The following INSC variants were observed in gnomAD, a reference collection of about 807,000 sequenced individuals.
The protein encoded by INSC is protein inscuteable homolog.
In INSC, 67 loss-of-function variants were observed where a neutral mutation model predicts 58.6. The observed-to-expected ratio is 1.14, with a 90% CI of 0.94 to 1.40. The LOEUF (loss-of-function observed/expected upper bound fraction) is 1.40. Ranked by LOEUF, INSC falls within the 40% of genes most tolerant of loss-of-function variation. The pLI is 0.00. For missense variants in INSC, 714 were observed against 692.0 expected (o/e 1.03, Z -0.36); for synonymous variants, 262 against 276.1 (o/e 0.95, Z 0.51).
chr11:15,265,098 T>C, the INSC span, among the ~76,000 whole-genome samples: 1 of 152,120 alleles, frequency 6.6e-6, no homozygotes, highest in Admixed American at 6.6e-5. Context: ...TTGTGCATTG[T>C]ATAGATCAGT....
intron 4 of INSC, among the ~76,000 whole-genome samples, 188 bp downstream of exon 4, chr11:15,177,351 C>G (rs1325176177): frequency 6.6e-6 from 1 of 152,054 alleles, no homozygotes; most frequent in Non-Finnish European, 1.5e-5. Context: ...TGTTCAGGCC[C>G]TAGGGATAGG....
At chr11:15,128,657 A>G (rs1291070085) in intron 1 of INSC, among the ~76,000 whole-genome samples, 1 of 152,200 alleles carries the variant, frequency 6.6e-6, no homozygotes, top group Non-Finnish European at 1.5e-5. Flanking sequence ...ACCAGGTGAC[A>G]GAATTATCAG....
At chr11:15,269,652 G>A in the INSC span, among the ~76,000 whole-genome samples, 1 of 151,898 alleles carries the variant, frequency 6.6e-6, no homozygotes, top group Admixed American at 6.6e-5. Context: ...CTTTTGAATA[G>A]CATCCTACAT....
At chr11:15,228,445 C>T (rs1235227176) in intron 9 of INSC, among the ~76,000 whole-genome samples, 3 of 152,158 alleles carry the variant, frequency 2.0e-5, no homozygotes, top group Non-Finnish European at 4.4e-5. Context: ...GAGCCAGGCA[C>T]GTCACCCACT....
intron 8 of INSC, among the ~76,000 whole-genome samples, chr11:15,223,925 T>C (rs1463786253): frequency 6.6e-6 from 1 of 152,190 alleles, no homozygotes; most frequent in Non-Finnish European, 1.5e-5. Flanking sequence ...ACCCTCCTGA[T>C]AGAACCAAAA....
At position 15,229,991 on chromosome 11, in the gene INSC, A is replaced by T. The variant is rs1450649166; in HGVS notation, c.1170+4163A>T. 7.0e-5 allele frequency among the ~76,000 whole-genome samples: 2 copies of T among 28,506 alleles called. 1 individual carries two copies. Among genetic ancestry groups the T allele is most frequent in the East Asian group, 4.6e-3 (2 of 434 alleles). The allele number at this position is 28,506 out of a possible 152,430, so 18.7% of individuals were successfully genotyped here. A position where few individuals can be genotyped will look rare whatever the true frequency, so the allele number is the denominator to read the frequency against. ...ATATATATATATATTATATATATAT[A>T]TATATATATATATATATATATAATA... On this transcript the variant is annotated intron_variant, in intron 9 of 12. Transcript: ENST00000379556.
At chr11:15,150,763 T>G (rs1345987290) in intron 2 of INSC, among the ~76,000 whole-genome samples, 1 of 152,152 alleles carries the variant, frequency 6.6e-6, no homozygotes, top group Non-Finnish European at 1.5e-5. Flanking sequence ...CTGAGTCTCC[T>G]GGGATGCTTT....
intron 11 of INSC, among the ~76,000 whole-genome samples, chr11:15,240,001 A>C (rs539906258): frequency 3.0e-4 from 45 of 152,266 alleles, no homozygotes; most frequent in African/African-American, 1.0e-3. Flanking sequence ...TTCTACTACT[A>C]TCGTATAATG....
At chr11:15,269,605 G>A in the INSC span, among the ~76,000 whole-genome samples, 1 of 151,898 alleles carries the variant, frequency 6.6e-6, no homozygotes, top group Non-Finnish European at 1.5e-5. Flanking sequence ...AGGAACATGT[G>A]TAAAGAAGAT....
chr11:15,221,537 CGGGCTG>C lies in INSC; in HGVS notation c.881_886del (p.Arg294_Glu296delinsGln), dbSNP rs1564911587. 17 of 1,613,894 alleles carry C rather than the reference CGGGCTG, an allele frequency of 1.1e-5. No individual in the cohort carries two copies. The highest frequency in any genetic ancestry group is 1.4e-5 in the Non-Finnish European group (17 of 1,179,976). On this transcript the variant is annotated inframe_deletion, in exon 8 of 13. Coordinates refer to ENST00000379556, the MANE Select transcript of INSC (RefSeq NM_001042536.3). ...CGACAACAGCCACTCAGAGGCCACA[CGGGCTG>C]AGGCTGCGGCTGTGGTGGCCCAGGT...
chr11:15,190,766 G>C lies in INSC; in HGVS notation c.645G>C (p.Leu215=). ...IYTTESTTGN[L]FSLTQEGAPL... ...CCACAGAGTCCACCACAGGGAACCTGTTCAGCCTGACCCAGGAGGGGGCTC... is the reference window on the plus strand; with the variant it reads ...CCACAGAGTCCACCACAGGGAACCTCTTCAGCCTGACCCAGGAGGGGGCTC... The change falls in exon 6 of 13, where the codon CTG becomes CTC. Residue 215 remains leucine, a synonymous_variant. Transcript: ENST00000379556. 1 of 1,613,970 alleles carries C rather than the reference G, an allele frequency of 6.2e-7. No homozygotes were observed. The highest frequency in any genetic ancestry group is 8.5e-7 in the Non-Finnish European group (1 of 1,179,842).
At chr11:15,177,006 A>G (rs1849594241) in intron 3 of INSC, 105 bp from the exon 4 acceptor site, 2 of 902,732 alleles carry the variant, frequency 2.2e-6, no homozygotes, top group Admixed American at 1.7e-5. Flanking sequence ...TCCCCAAGTC[A>G]CATTAATTGA....
intron 2 of INSC, among the ~76,000 whole-genome samples, chr11:15,172,765 T>A (rs1849443026): frequency 6.6e-6 from 1 of 151,746 alleles, no homozygotes; most frequent in African/African-American, 2.4e-5. Context: ...TTATCTGAGG[T>A]GTAGAGTGTG....
chr11:15,116,805 T>TTTCCTTTCTTTCTTTCTTTC, intron 1 of INSC, among the ~76,000 whole-genome samples: 1 of 19,980 alleles, frequency 5.0e-5, no homozygotes, highest in South Asian at 2.8e-3. Flanking sequence ...CTTTTCTTTC[T>TTTCCTTTCTTTCTTTCTTTC]TTTCTTTCTT....
At chr11:15,112,971 G>C (rs1847602714), upstream of INSC, among the ~76,000 whole-genome samples, 1 of 152,034 alleles carries the variant, frequency 6.6e-6, no homozygotes. Context: ...TTTGTCCAAG[G>C]ACTCATCACT....
chr11:15,235,598 C>T lies in INSC; in HGVS notation c.1171-4C>T. 6.2e-7 allele frequency: 1 copy of T among 1,612,928 alleles called. No individual in the cohort carries two copies. The highest frequency in any genetic ancestry group is 2.2e-5 in the East Asian group (1 of 44,880). Reference sequence around the variant, plus strand: ...TTCTGAGGTTTCTAAATTATCTTTTCCAGATTGTGACCATCTTGGCAAACA... The same window carrying T: ...TTCTGAGGTTTCTAAATTATCTTTTTCAGATTGTGACCATCTTGGCAAACA... On this transcript the variant is annotated splice_region_variant and splice_polypyrimidine_tract_variant and intron_variant, in intron 9 of 12. Transcript: ENST00000379556.
chr11:15,112,426 C>T (rs1336921462), upstream of INSC: 1 of 1,499,990 alleles, frequency 6.7e-7, no homozygotes, highest in Non-Finnish European at 9.1e-7. Context: ...TTCACAGGGG[C>T]CTCTGTAAGG....
rs745313940 is a variant in INSC, at chr11:15,178,324, G to T, written c.456G>T (p.Arg152Ser). ...CCACCCCATGGTTTCTTCTCTTCAG[G>T]TGCCTTCAGGTTGAGAATGAGCATG... Reference protein sequence around the residue: ...KCSELSAVTERCLQVENEHVL... With the variant: ...KCSELSAVTESCLQVENEHVL... Residue 152 changes from arginine (R) to serine (S), a missense_variant and splice_region_variant, in exon 5 of 13, where the codon AGG (arginine) becomes AGT (serine). Transcript: ENST00000379556. The T allele has an allele frequency of 5.6e-6, 9 of 1,613,778 alleles. No individual in the cohort carries two copies. In the Admixed American group the frequency reaches 6.7e-5, roughly 12 times the overall value.
the INSC span, among the ~76,000 whole-genome samples, chr11:15,256,101 T>C: frequency 6.6e-6 from 1 of 152,134 alleles, no homozygotes; most frequent in African/African-American, 2.4e-5. Context: ...GGAGTCCCAC[T>C]ACATATGAAT....
Sources: allele counts gnomAD v4.1 joint callset (sites outside exome capture counted in the v4.1 genomes callset), GRCh38; gene constraint gnomAD v4.1.1; transcripts MANE v1.5; gene names NCBI Gene and HGNC (gene_info 2026-07-23, HGNC 2026-07-21).